MROH7: variants seen among roughly 807,000 people sequenced by gnomAD.
MROH7 encodes the protein maestro heat-like repeat-containing protein family member 7.
A neutral mutation model predicts 129.2 loss-of-function variants in MROH7; 113 were observed. That is an observed-to-expected ratio of 0.87 (90% CI 0.75 to 1.02). The LOEUF is 1.02. Among genes scored for constraint, MROH7 ranks in the 50% least tolerant of loss-of-function variants. MROH7 has a pLI of 0.00. For synonymous variants in MROH7, 655 were observed against 667.9 expected, an observed-to-expected ratio of 0.98 and a Z score of 0.30; for missense variants, 1,601 against 1,671.3, an observed-to-expected ratio of 0.96 and a Z score of 0.73.
At position 54,675,683 on chromosome 1, in the gene MROH7, A is replaced by C. The variant is rs140152674; in HGVS notation, c.1936+1532A>C. Among the ~76,000 whole-genome samples, 332 of 151,290 alleles carry C rather than the reference A, an allele frequency of 2.2e-3. 4 individuals are homozygous for C. The highest frequency in any genetic ancestry group is 0.01 in the Middle Eastern group (3 of 294). On this transcript the variant is annotated intron_variant, in intron 10 of 23. Coordinates refer to ENST00000421030, the MANE Select transcript of MROH7 (RefSeq NM_001039464.4). ...CACGATCTCGGCTCACTGCAGCCTC[A>C]ATCTTTCAGGCTCAAGCAATCCTCC...
chr1:54,701,742 A>AT lies in MROH7; in HGVS notation c.3286-342dup, dbSNP rs199997832. On this transcript the variant is annotated intron_variant, in intron 19 of 23. Transcript: ENST00000421030. ...CACCACTATGCCCAGCTAATTTTGC[A>AT]TTTTTTGTAGAGATGGGGTTTCCCT... is the stretch of plus-strand genomic sequence containing the variant. Among the ~76,000 whole-genome samples the AT allele has an allele frequency of 0.011, 1,685 of 151,880 alleles. 158 individuals are homozygous for AT. The East Asian group carries it at 0.21, about 19-fold the overall frequency.
At chr1:54,692,695 T>C (rs1395427781) in intron 16 of MROH7, 134 bp downstream of exon 16, 2 of 879,264 alleles carry the variant, frequency 2.3e-6, no homozygotes, top group East Asian at 5.3e-5. Flanking sequence ...TCTCTACAAC[T>C]GGGAGGGTGC....
intron 14 of MROH7, among the ~76,000 whole-genome samples, chr1:54,685,590 T>G (rs1167942743): frequency 6.6e-6 from 1 of 152,120 alleles, no homozygotes; most frequent in Non-Finnish European, 1.5e-5. Context: ...AGTATGAGGG[T>G]GGGCCCAGGC....
intron 22 of MROH7, among the ~76,000 whole-genome samples, chr1:54,708,811 C>T (rs751280134): frequency 1.6e-4 from 25 of 152,206 alleles, no homozygotes; most frequent in Admixed American, 3.3e-4. Flanking sequence ...TATCCTGGTG[C>T]CATCCTGCCC....
chr1:54,700,371 G>C lies in MROH7; in HGVS notation c.3015G>C (p.Gly1005=), dbSNP rs748546086. ...GGATCCCCGAGGAATACTCTCTGGG[G>C]CGGATGGCAGAAGGCCTGAGCCACC... ...VRRIPEEYSL[G]RMAEGLSHHD... is the part of the protein sequence containing the mutation. Residue 1005 remains glycine, a synonymous_variant, in exon 18 of 24, where the codon GGG becomes GGC. Transcript: ENST00000421030. 1.2e-6 allele frequency: 2 copies of C among 1,613,990 alleles called. No homozygotes were observed. The highest frequency in any genetic ancestry group is 3.3e-5 in the Admixed American group (2 of 60,002).
At chr1:54,684,322 C>G (rs1284864080) in intron 14 of MROH7, among the ~76,000 whole-genome samples, 1 of 152,188 alleles carries the variant, frequency 6.6e-6, no homozygotes, top group East Asian at 1.9e-4. Flanking sequence ...TCAAACCCAG[C>G]AGATCTTCCG....
Position 54,673,148 on chromosome 1 carries a change from G to T in MROH7, c.1657G>T (p.Glu553Ter), listed in dbSNP as rs368337420. ...LQTLLKALFI[E>*]DPTPAGLKSI... ...GACACTGCTCAAAGCCCTCTTTATC[G>T]AGGACCCCACTCCTGCTGGGCTGAA... Residue 553 changes from glutamate to a stop codon, truncating the protein, a stop_gained, in exon 8 of 24, where the codon GAG (glutamate) becomes TAG (stop). Transcript: ENST00000421030. LOFTEE classifies it high-confidence loss of function. 9 of 1,613,782 alleles carry T rather than the reference G, an allele frequency of 5.6e-6. No individual in the cohort carries two copies. In the South Asian group the frequency reaches 7.7e-5, roughly 14 times the overall value.
At position 54,653,702 on chromosome 1, in the gene MROH7, T is replaced by A. The variant is rs371335941; in HGVS notation, c.776T>A (p.Val259Asp). Reference sequence around the variant, plus strand: ...GCTTCACATAATATCTCTGAGTCTGTTTCAAAAGGAGCCTTTAGTACCACC... The same window carrying A: ...GCTTCACATAATATCTCTGAGTCTGATTCAAAAGGAGCCTTTAGTACCACC... ...TLASHNISES[V>D]SKGAFSTTWS... The change falls in exon 3 of 24, where the codon GTT (valine) becomes GAT (aspartate). Residue 259 changes from valine (V) to aspartate (D), a missense_variant. Coordinates refer to ENST00000421030, the MANE Select transcript of MROH7 (RefSeq NM_001039464.4). 1 of 1,614,150 alleles carries A rather than the reference T, an allele frequency of 6.2e-7. No homozygotes were observed. Among genetic ancestry groups the A allele is most frequent in the African/African-American group, 1.3e-5 (1 of 75,012 alleles).
intron 1 of MROH7, among the ~76,000 whole-genome samples, chr1:54,643,889 C>T (rs1353113425): frequency 6.6e-6 from 1 of 152,134 alleles, no homozygotes; most frequent in African/African-American, 2.4e-5. Context: ...TGTGCCACTT[C>T]CTTTTGGCCT....
intron 10 of MROH7, among the ~76,000 whole-genome samples, chr1:54,675,417 A>C (rs1281626855): frequency 6.6e-6 from 1 of 152,178 alleles, no homozygotes; most frequent in Non-Finnish European, 1.5e-5. Context: ...TTTATCTGGT[A>C]TCCTCACTCT....
chr1:54,695,034 G>C (rs1029980547), intron 16 of MROH7, among the ~76,000 whole-genome samples: 2 of 152,336 alleles, frequency 1.3e-5, no homozygotes, highest in African/African-American at 4.8e-5. Context: ...TGTGCCTGCT[G>C]CCTGGCGCTT....
At chr1:54,648,427 G>T (rs145057055) in intron 1 of MROH7, among the ~76,000 whole-genome samples, 2 of 151,442 alleles carry the variant, frequency 1.3e-5, no homozygotes, top group Admixed American at 6.6e-5. Flanking sequence ...GTGCAGTGGC[G>T]CAATCTCGGC....
chr1:54,701,060 C>A, intron 18 of MROH7, 83 bp from the exon 19 acceptor site: 1 of 1,473,476 alleles, frequency 6.8e-7, no homozygotes, highest in Non-Finnish European at 9.4e-7. Flanking sequence ...CCACCAAGTT[C>A]ATTTCAGTGA....
intron 20 of MROH7, 44 bp from the exon 21 acceptor site, chr1:54,702,579 C>G: frequency 6.7e-7 from 1 of 1,490,102 alleles, no homozygotes; most frequent in Non-Finnish European, 9.0e-7. Context: ...GGACCATAGT[C>G]TGGCTGTCCA....
At chr1:54,658,690 T>G (rs977661154) in intron 3 of MROH7, among the ~76,000 whole-genome samples, 1 of 151,946 alleles carries the variant, frequency 6.6e-6, no homozygotes, top group Non-Finnish European at 1.5e-5. Flanking sequence ...TTCCCTTGTG[T>G]CCCTTTCCAA....
chr1:54,644,717 G>A (rs1287514531), intron 1 of MROH7, among the ~76,000 whole-genome samples: 1 of 150,766 alleles, frequency 6.6e-6, no homozygotes. Flanking sequence ...GCCCAGGCTG[G>A]TCTAGAGCTC....
intron 17 of MROH7, chr1:54,700,102 C>A: frequency 1.4e-6 from 1 of 708,132 alleles, no homozygotes. Context: ...CAACAACAAG[C>A]AGTCACAGGG....
intron 16 of MROH7, among the ~76,000 whole-genome samples, chr1:54,694,653 A>G (rs1474354453): frequency 6.6e-6 from 1 of 152,102 alleles, no homozygotes; most frequent in Non-Finnish European, 1.5e-5. Context: ...TATTTTTAGT[A>G]GAGACGGGGT....
intron 1 of MROH7, among the ~76,000 whole-genome samples, chr1:54,645,950 C>T (rs572155960): frequency 6.3e-4 from 96 of 152,314 alleles, no homozygotes; most frequent in African/African-American, 2.2e-3. Context: ...CCGCGTGCAG[C>T]CAAAAGTTAT....
Sources: gnomAD v4.1 joint callset for allele counts (sites outside exome capture counted in the v4.1 genomes callset) on GRCh38, gnomAD v4.1.1 for gene constraint, MANE v1.5 for transcripts, NCBI Gene and HGNC (gene_info 2026-07-23, HGNC 2026-07-21) for gene names.